The following ANKS1A variants were observed in gnomAD, a reference collection of about 807,000 sequenced individuals.
ANKS1A encodes the protein ankyrin repeat and sterile alpha motif domain containing 1A, also known as ankyrin repeat and SAM domain-containing protein 1A.
Under a neutral mutation model 120.3 loss-of-function variants are expected in ANKS1A, and 55 were observed. That is an observed-to-expected ratio of 0.46 (90% CI 0.37 to 0.57). The LOEUF (loss-of-function observed/expected upper bound fraction) is 0.57. Among genes scored for constraint, ANKS1A ranks in the 20% least tolerant of loss-of-function variants. ANKS1A has a pLI of 0.00. For missense variants in ANKS1A, 1,123 were observed against 1,480.3 expected (o/e 0.76, Z 3.96); for synonymous variants, 590 against 604.7 (o/e 0.98, Z 0.36).
At chr6:34,980,642 C>T (rs1038103297) in intron 3 of ANKS1A, among the ~76,000 whole-genome samples, 19 of 152,342 alleles carry the variant, frequency 1.2e-4, no homozygotes, top group African/African-American at 3.6e-4. Context: ...CCAAAAGTAG[C>T]AGAAGCCTCC....
chr6:35,061,811 G>A (rs1468178026), intron 13 of ANKS1A, among the ~76,000 whole-genome samples: 1 of 152,200 alleles, frequency 6.6e-6, no homozygotes, highest in Non-Finnish European at 1.5e-5. Context: ...TCGGGGTGGA[G>A]AGGGGGCTCA....
In ANKS1A at chr6:35,044,333, C is replaced by T. The variant is rs554175688; in HGVS notation, c.2011-9766C>T. On this transcript the variant is annotated intron_variant, in intron 11 of 23. Transcript: ENST00000360359. This position sits in a 1 kb window ranked among gnomAD's most constrained non-coding sequence, Gnocchi z 4.4. ...GTTATCCCTGTTACAGATGACCAAG[C>T]GGAGGTGTGGGAAGAACAAGTTCCT... 9.2e-5 allele frequency among the ~76,000 whole-genome samples: 14 copies of T among 152,348 alleles called. No individual in the cohort carries two copies. The South Asian group carries it at 2.5e-3, about 27-fold the overall frequency.
At chr6:34,911,093 G>T (rs547824626) in intron 1 of ANKS1A, among the ~76,000 whole-genome samples, 1 of 152,036 alleles carries the variant, frequency 6.6e-6, no homozygotes, top group Admixed American at 6.5e-5. Flanking sequence ...GACCTACAGT[G>T]GTATGGTAAC....
At chr6:35,073,433 C>T (rs997086819) in intron 13 of ANKS1A, among the ~76,000 whole-genome samples, 1 of 152,280 alleles carries the variant, frequency 6.6e-6, no homozygotes, top group South Asian at 2.1e-4. Context: ...CACCTGCCGG[C>T]GATATGAAGT....
At chr6:34,933,474 G>A (rs1326522159) in intron 1 of ANKS1A, among the ~76,000 whole-genome samples, 1 of 152,108 alleles carries the variant, frequency 6.6e-6, no homozygotes, top group Non-Finnish European at 1.5e-5. Context: ...GGATTCAAGC[G>A]ATTCTCCTGC....
At chr6:34,905,831 G>A (rs1009367716) in intron 1 of ANKS1A, among the ~76,000 whole-genome samples, 6 of 152,124 alleles carry the variant, frequency 3.9e-5, no homozygotes, top group Non-Finnish European at 7.3e-5. Context: ...GTCTGTTCTT[G>A]TTGTAGGATT....
At chr6:35,054,258 A>C in intron 12 of ANKS1A, 93 bp downstream of exon 12, 1 of 1,217,370 alleles carries the variant, frequency 8.2e-7, no homozygotes, top group Non-Finnish European at 1.2e-6. Context: ...ACAGACATTC[A>C]GTGGGTGGGA....
intron 1 of ANKS1A, among the ~76,000 whole-genome samples, chr6:34,910,655 G>C (rs902517864): frequency 1.3e-5 from 2 of 152,102 alleles, no homozygotes; most frequent in Admixed American, 6.6e-5. Flanking sequence ...GAGGTCAGGA[G>C]TTCGAGACCA....
chr6:34,960,911 T>G (rs1770604521), intron 1 of ANKS1A, among the ~76,000 whole-genome samples: 1 of 152,108 alleles, frequency 6.6e-6, no homozygotes, highest in Non-Finnish European at 1.5e-5. Context: ...TTGTCCAAGG[T>G]CAAAAAATGA....
chr6:35,081,212 G>A, intron 17 of ANKS1A, 54 bp downstream of exon 17: 2 of 1,522,366 alleles, frequency 1.3e-6, no homozygotes, highest in East Asian at 2.4e-5. Context: ...CCTCTGGGTG[G>A]GACAGGGCCT....
At chr6:35,079,397 A>ACC in intron 14 of ANKS1A, 119 bp from the exon 15 acceptor site, 6 of 1,262,328 alleles carry the variant, frequency 4.8e-6, no homozygotes, top group Non-Finnish European at 6.5e-6. Context: ...GGTGCTGAGG[A>ACC]CCCCAAACAC....
chr6:34,998,538 G>A (rs1164683853), intron 10 of ANKS1A, among the ~76,000 whole-genome samples: 1 of 152,132 alleles, frequency 6.6e-6, no homozygotes, highest in Non-Finnish European at 1.5e-5. Context: ...CCCTGACCTA[G>A]CAACTGATGT....
At chr6:34,965,597 C>T (rs1397903730) in intron 1 of ANKS1A, among the ~76,000 whole-genome samples, 2 of 152,114 alleles carry the variant, frequency 1.3e-5, no homozygotes, top group Non-Finnish European at 2.9e-5. Flanking sequence ...GTGATCCACT[C>T]GCCTTGGCCT....
chr6:34,970,514 T>G (rs9394261), intron 3 of ANKS1A, among the ~76,000 whole-genome samples: 13,440 of 152,186 alleles, frequency 0.088, 758 homozygotes, highest in East Asian at 0.34. Context: ...TCAAGTCCCT[T>G]ATGTAAAACG....
intron 10 of ANKS1A, among the ~76,000 whole-genome samples, chr6:35,008,725 CAT>C (rs56703946): frequency 0.11 from 16,004 of 152,080 alleles, 1,265 homozygotes; most frequent in African/African-American, 0.21. Context: ...ATATATGAGA[CAT>C]ATGTAAAGTA....
chr6:34,971,605 C>T (rs756267049), intron 3 of ANKS1A, among the ~76,000 whole-genome samples: 8 of 152,006 alleles, frequency 5.3e-5, no homozygotes, highest in Non-Finnish European at 7.4e-5. Flanking sequence ...ATGACTTTGC[C>T]GAGAGGGGAT....
chr6:35,049,208 A>T (rs1454490371), intron 11 of ANKS1A, among the ~76,000 whole-genome samples: 1 of 152,166 alleles, frequency 6.6e-6, no homozygotes, highest in Non-Finnish European at 1.5e-5. Flanking sequence ...CGTAAAAATG[A>T]GGAGGGAAAG....
intron 13 of ANKS1A, chr6:35,070,877 C>T (rs1220427961): frequency 3.5e-5 from 22 of 633,012 alleles, no homozygotes; most frequent in Non-Finnish European, 5.8e-5. Context: ...TCATTTCTTG[C>T]ATTTGAAGGA....
chr6:34,959,715 A>G (rs1253917894), intron 1 of ANKS1A, among the ~76,000 whole-genome samples: 4 of 152,166 alleles, frequency 2.6e-5, no homozygotes, highest in Admixed American at 6.5e-5. Flanking sequence ...TGCGATTCTT[A>G]TTTGATTTCA....
Sources: allele counts gnomAD v4.1 joint callset (sites outside exome capture counted in the v4.1 genomes callset), GRCh38; gene constraint gnomAD v4.1.1; non-coding constraint Gnocchi (gnomAD v3.1); transcripts MANE v1.5; gene names NCBI Gene and HGNC (gene_info 2026-07-23, HGNC 2026-07-21).